The following PDE2A variants were observed in gnomAD, a reference collection of about 807,000 sequenced individuals.
The protein encoded by PDE2A is cGMP-dependent 3',5'-cyclic phosphodiesterase.
PDE2A carries 53 observed loss-of-function variants against 133.6 expected under a neutral mutation model. That is an observed-to-expected ratio of 0.40 (90% CI 0.32 to 0.50). The LOEUF is 0.50. PDE2A is among the 20% of genes least tolerant of loss of function. PDE2A has a pLI of 0.73. For synonymous variants in PDE2A, 491 were observed against 490.2 expected, an observed-to-expected ratio of 1.00 and a Z score of -0.02; for missense variants, 796 against 1,232.4, an observed-to-expected ratio of 0.65 and a Z score of 5.30.
intron 1 of PDE2A, among the ~76,000 whole-genome samples, chr11:72,667,794 T>G (rs964472171): frequency 6.0e-5 from 9 of 150,934 alleles, no homozygotes; most frequent in African/African-American, 2.2e-4. Context: ...GAGGATAGCT[T>G]CAGCCCAGGA....
rs79816585 is a variant in PDE2A, at chr11:72,593,013, A to G, written c.490-1657T>C. 5.1e-3 allele frequency among the ~76,000 whole-genome samples: 781 copies of G among 152,164 alleles called. 4 individuals carry two copies. Among genetic ancestry groups the G allele is most frequent in the African/African-American group, 0.018 (745 of 41,472 alleles). On this transcript the variant is annotated intron_variant, in intron 6 of 30. Transcript: ENST00000334456. ...TCCTTCCACCTGGTCCCATCTCTCA[A>G]GAATAGAGAAGGCTGGGACCCCTCT...
intron 1 of PDE2A, among the ~76,000 whole-genome samples, chr11:72,664,969 G>A (rs1173791914): frequency 6.6e-6 from 1 of 151,998 alleles, no homozygotes; most frequent in Non-Finnish European, 1.5e-5. Flanking sequence ...ACCACGCCCA[G>A]CTAATTCTGT....
chr11:72,590,970 A>C lies in PDE2A; in HGVS notation c.549+327T>G, dbSNP rs1327167442. The C allele has an allele frequency of 5.6e-6, 2 of 360,122 alleles. No individual in the cohort carries two copies. The highest frequency in any genetic ancestry group is 1.0e-5 in the Non-Finnish European group (2 of 200,578). 22.3% of individuals were successfully genotyped at this position (360,122 alleles called of 1,614,324 possible). On this transcript the variant is annotated intron_variant, in intron 7 of 30. Transcript: ENST00000334456. The surrounding 1 kb of genome is among the most constrained non-coding windows in gnomAD (Gnocchi z 4.8). ...TGTGGAGGGTTCTTTCTAAGTACAGATGCTCCTGGACTTAGGATAGGGTTG... is the reference window on the plus strand; with the variant it reads ...TGTGGAGGGTTCTTTCTAAGTACAGCTGCTCCTGGACTTAGGATAGGGTTG...
intron 2 of PDE2A, among the ~76,000 whole-genome samples, chr11:72,632,452 T>C (rs1237909096): frequency 6.6e-6 from 1 of 152,112 alleles, no homozygotes; most frequent in Non-Finnish European, 1.5e-5. Context: ...GGTGTGTGTC[T>C]GGGCCTCTAT....
chr11:72,590,207 G>T lies in PDE2A; in HGVS notation c.741C>A (p.Leu247=). 6.4e-7 allele frequency: 1 copy of T among 1,551,632 alleles called. No individual in the cohort carries two copies. Among genetic ancestry groups the T allele is most frequent in the South Asian group, 1.2e-5 (1 of 84,060 alleles). The change falls in exon 9 of 31, where the codon CTC becomes CTA. Residue 247 remains leucine (L), a synonymous_variant. Transcript: ENST00000334456. This position sits in a 1 kb window ranked among gnomAD's most constrained non-coding sequence, Gnocchi z 4.8. ...LYDLDASSLQ[L]KVLQYLQQET... is the part of the protein sequence containing the mutation. ...AGGGACTCACGTATTGGAGCACTTT[G>T]AGCTGCAGGGAAGAGGCATCCAGGT...
rs1332512188 is a variant in PDE2A, at chr11:72,642,490, C to A, written c.72-164G>T. 3 of 694,778 alleles carry A rather than the reference C, an allele frequency of 4.3e-6. No individual in the cohort carries two copies. In the South Asian group the frequency reaches 1.9e-4, roughly 44 times the overall value. 43.0% of individuals were successfully genotyped at this position (694,778 alleles called of 1,614,324 possible). On this transcript the variant is annotated intron_variant, in intron 1 of 30. Transcript: ENST00000334456. ...GCCCCGGCCCCGCCCCGGCCCGCCCCCCGCCCGCCCCCGGCCCGCCCCGGC... is the reference window on the plus strand; with the variant it reads ...GCCCCGGCCCCGCCCCGGCCCGCCCACCGCCCGCCCCCGGCCCGCCCCGGC...
chr11:72,652,204 C>T (rs796954027), intron 1 of PDE2A, among the ~76,000 whole-genome samples: 6 of 152,352 alleles, frequency 3.9e-5, no homozygotes, highest in African/African-American at 1.2e-4. Flanking sequence ...TAGTCAAGCC[C>T]ATCCCTTTGC....
intron 2 of PDE2A, among the ~76,000 whole-genome samples, chr11:72,628,717 G>A (rs947750674): frequency 2.0e-5 from 3 of 152,248 alleles, no homozygotes; most frequent in Non-Finnish European, 4.4e-5. Context: ...CACCTAGGAA[G>A]CAAGGGAGTT....
chr11:72,636,103 C>G, intron 2 of PDE2A: 4 of 1,236,596 alleles, frequency 3.2e-6, no homozygotes, highest in Non-Finnish European at 4.2e-6. Context: ...AGGCAGAATG[C>G]CTGCCCCCTG....
intron 2 of PDE2A, among the ~76,000 whole-genome samples, chr11:72,617,506 T>A (rs947927356): frequency 1.2e-4 from 19 of 152,226 alleles, no homozygotes; most frequent in African/African-American, 4.6e-4. Context: ...CTGTCTGTGC[T>A]CTGCGGCATG....
intron 6 of PDE2A, among the ~76,000 whole-genome samples, chr11:72,593,257 T>A (rs1856333629): frequency 6.6e-6 from 1 of 151,586 alleles, no homozygotes; most frequent in Admixed American, 6.6e-5. Flanking sequence ...GTCCACAGCA[T>A]CCCCACAGGC....
intron 1 of PDE2A, among the ~76,000 whole-genome samples, chr11:72,662,707 G>A (rs116690723): frequency 1.6e-3 from 249 of 152,228 alleles, no homozygotes; most frequent in African/African-American, 5.8e-3. Flanking sequence ...AGGTGAGCCG[G>A]GAAGTAGCGG....
rs955286275 is a variant in PDE2A at position 72,585,979 on chromosome 11, G to A, written c.1182+91C>T. On this transcript the variant is annotated intron_variant, in intron 14 of 30. Transcript: ENST00000334456. ...CTGGGGAAGGGCTGCCACCAGTCCA[G>A]AAAGACATGGGCATTTCCCTTCTGA... is the stretch of plus-strand genomic sequence containing the variant. 3.8e-6 allele frequency: 3 copies of A among 796,000 alleles called. No homozygotes were observed. In the African/African-American group the frequency reaches 5.1e-5, roughly 14 times the overall value. The allele number at this position is 796,000 out of a possible 1,614,324, so 49.3% of individuals were successfully genotyped here.
At chr11:72,579,438 C>T (rs1007748403) in intron 26 of PDE2A, 55 bp from the exon 27 acceptor site, 4 of 1,569,340 alleles carry the variant, frequency 2.5e-6, no homozygotes, top group Admixed American at 1.7e-5. Flanking sequence ...CACCCATTTG[C>T]CCATCCCAGT....
Position 72,598,635 on chromosome 11 carries a change from T to C in PDE2A, c.324-1016A>G, listed in dbSNP as rs1342310544. On this transcript the variant is annotated intron_variant, in intron 4 of 30. Coordinates refer to ENST00000334456, the MANE Select transcript of PDE2A (RefSeq NM_002599.5). Reference sequence around the variant, plus strand: ...TGGACAGAAGAGAAACTTGGGGAACTGTGTGCATACAGGGTCACTAAGGGA... The same window carrying C: ...TGGACAGAAGAGAAACTTGGGGAACCGTGTGCATACAGGGTCACTAAGGGA... 4.7e-6 allele frequency: 6 copies of C among 1,288,922 alleles called. No homozygotes were observed. In the South Asian group the frequency reaches 4.9e-5, roughly 11 times the overall value. The allele number at this position is 1,288,922 out of a possible 1,614,324, so 79.8% of individuals were successfully genotyped here.
At chr11:72,635,467 G>A (rs1237778310) in intron 2 of PDE2A, among the ~76,000 whole-genome samples, 1 of 152,188 alleles carries the variant, frequency 6.6e-6, no homozygotes, top group East Asian at 1.9e-4. Flanking sequence ...TTCACAGAAT[G>A]TCCGTATCTC....
At chr11:72,598,917 C>A in intron 4 of PDE2A, 1 of 985,408 alleles carries the variant, frequency 1.0e-6, no homozygotes, top group Non-Finnish European at 1.2e-6. Context: ...CTCCAGTTCC[C>A]GGCTGTCCAC....
intron 1 of PDE2A, among the ~76,000 whole-genome samples, chr11:72,663,428 G>A (rs1855132264): frequency 6.6e-6 from 1 of 152,218 alleles, no homozygotes; most frequent in Non-Finnish European, 1.5e-5. Flanking sequence ...CTCAGTGAAT[G>A]TGACAAAGTG....
intron 3 of PDE2A, among the ~76,000 whole-genome samples, chr11:72,606,521 C>T (rs753154845): frequency 3.3e-5 from 5 of 152,124 alleles, no homozygotes; most frequent in African/African-American, 4.8e-5. Flanking sequence ...AGCCAGGTTC[C>T]GTGGTGGGTG....
Sources: gnomAD v4.1 joint callset for allele counts (sites outside exome capture counted in the v4.1 genomes callset) on GRCh38, gnomAD v4.1.1 for gene constraint, Gnocchi (gnomAD v3.1) non-coding constraint, MANE v1.5 for transcripts, NCBI Gene and HGNC (gene_info 2026-07-23, HGNC 2026-07-21) for gene names.